The following PPP6R2 variants were observed in gnomAD, a reference collection of about 807,000 sequenced individuals.
PPP6R2 encodes the protein protein phosphatase 6 regulatory subunit 2.
Under a neutral mutation model 100.2 loss-of-function variants are expected in PPP6R2, and 62 were observed. The observed-to-expected ratio is 0.62, with a 90% CI of 0.50 to 0.76. The LOEUF (loss-of-function observed/expected upper bound fraction) is 0.76, where lower values mean the gene tolerates loss of function less well. Ranked by LOEUF, PPP6R2 falls within the 30% of genes least tolerant of loss-of-function variation. The probability of loss-of-function intolerance (pLI) is 0.00; values close to 1 mark genes in which losing one functional copy is unlikely to be tolerated. For missense variants in PPP6R2, 1,142 were observed against 1,276.3 expected, an observed-to-expected ratio of 0.89 and a Z score of 1.60; for synonymous variants, 525 against 514.7, an observed-to-expected ratio of 1.02 and a Z score of -0.27.
intron 2 of PPP6R2, among the ~76,000 whole-genome samples, chr22:50,377,120 C>G (rs1469828127): frequency 6.6e-6 from 1 of 152,062 alleles, no homozygotes; most frequent in African/African-American, 2.4e-5. Flanking sequence ...TGAAAAAGGA[C>G]CATGTAGAAC....
At chr22:50,443,486 G>T in intron 22 of PPP6R2, 1 of 193,802 alleles carries the variant, frequency 5.2e-6, no homozygotes, top group South Asian at 1.4e-4. Context: ...TGCCCGGCAG[G>T]GTCCTCTCTA....
intron 14 of PPP6R2, 138 bp from the exon 15 acceptor site, chr22:50,436,850 G>C (rs1435946756): frequency 5.4e-6 from 4 of 734,830 alleles, no homozygotes; most frequent in Non-Finnish European, 9.5e-6. Flanking sequence ...ACGGCCTCCT[G>C]GGCCCAGAGA....
intron 10 of PPP6R2, among the ~76,000 whole-genome samples, chr22:50,425,785 C>T (rs953599683): frequency 1.3e-5 from 2 of 151,828 alleles, no homozygotes; most frequent in Non-Finnish European, 2.9e-5. Flanking sequence ...CAAGTGATGT[C>T]GAGCATCTTC....
chr22:50,429,526 A>G (rs1294079988), intron 10 of PPP6R2, among the ~76,000 whole-genome samples: 1 of 152,212 alleles, frequency 6.6e-6, no homozygotes, highest in African/African-American at 2.4e-5. Context: ...AGTATTTTGC[A>G]TCCATGTTGA....
upstream of PPP6R2, among the ~76,000 whole-genome samples, chr22:50,339,238 G>A (rs2042340328): frequency 3.0e-5 from 4 of 133,854 alleles, no homozygotes; most frequent in South Asian, 9.4e-4. Context: ...TGTGTTTACG[G>A]TGTGTGTTGT....
At chr22:50,339,263 TGTG>T, upstream of PPP6R2, among the ~76,000 whole-genome samples, 1 of 110,692 alleles carries the variant, frequency 9.0e-6, no homozygotes, top group African/African-American at 7.2e-5. Flanking sequence ...GTTGTGTGAT[TGTG>T]TGGTGTGTGT....
chr22:50,347,393 G>T (rs758283158), intron 1 of PPP6R2, among the ~76,000 whole-genome samples: 49 of 151,620 alleles, frequency 3.2e-4, no homozygotes, highest in African/African-American at 1.2e-3. Context: ...AACACTACTC[G>T]TCTTTTCCTG....
At chr22:50,440,335 A>C (rs1652660592) in intron 21 of PPP6R2, among the ~76,000 whole-genome samples, 1 of 152,126 alleles carries the variant, frequency 6.6e-6, no homozygotes, top group Admixed American at 6.6e-5. Context: ...CAGCACTGGG[A>C]CCCCAGCATT....
At chr22:50,339,844 G>GT (rs1569219172), upstream of PPP6R2, among the ~76,000 whole-genome samples, 2 of 118,110 alleles carry the variant, frequency 1.7e-5, no homozygotes, top group African/African-American at 3.5e-5. Flanking sequence ...TGTGGTGTGT[G>GT]GTGTGTGTGT....
In PPP6R2 at chr22:50,402,588, A is replaced by G. The variant is rs1223815401; in HGVS notation, c.228-4101A>G. Among the ~76,000 whole-genome samples, 3 of 152,098 alleles carry G rather than the reference A, an allele frequency of 2.0e-5. No homozygotes were observed. In the East Asian group the frequency reaches 5.8e-4, roughly 29 times the overall value. ...CTGAAACTCAGCCTTCCCTGTGCCA[A>G]GTCAGTCTTCACGTGGCCGGCTGCT... On this transcript the variant is annotated intron_variant, in intron 3 of 23. Transcript: ENST00000612753.
chr22:50,359,713 G>A (rs1466170843), intron 1 of PPP6R2, among the ~76,000 whole-genome samples: 2 of 152,110 alleles, frequency 1.3e-5, no homozygotes, highest in Non-Finnish European at 2.9e-5. Flanking sequence ...CTTTTTATAT[G>A]TGGTTGGATT....
chr22:50,440,706 T>C, intron 21 of PPP6R2, 116 bp from the exon 22 acceptor site: 2 of 1,192,324 alleles, frequency 1.7e-6, no homozygotes, highest in Non-Finnish European at 2.4e-6. Flanking sequence ...GGCACATGTG[T>C]GCAGGCAACA....
At chr22:50,422,120 G>A in intron 8 of PPP6R2, 134 bp from the exon 9 acceptor site, 1 of 1,124,272 alleles carries the variant, frequency 8.9e-7, no homozygotes, top group African/African-American at 1.6e-5. Context: ...ACGCTGGGTA[G>A]CTGCACTGCT....
At chr22:50,408,594 T>C (rs1189494910) in intron 4 of PPP6R2, among the ~76,000 whole-genome samples, 1 of 152,056 alleles carries the variant, frequency 6.6e-6, no homozygotes, top group Non-Finnish European at 1.5e-5. Context: ...GGCCGGGGGA[T>C]TGTCGTGGCT....
upstream of PPP6R2, among the ~76,000 whole-genome samples, chr22:50,339,062 GTGGTGTATGTGGTA>G (rs2042338111): frequency 7.4e-6 from 1 of 134,670 alleles, no homozygotes; most frequent in African/African-American, 2.8e-5. Context: ...GTTATGTGGT[GTGGTGTATGTGGTA>G]TGTGGTGTGT....
intron 4 of PPP6R2, among the ~76,000 whole-genome samples, chr22:50,413,670 A>G (rs1007459775): frequency 1.4e-5 from 2 of 144,850 alleles, no homozygotes; most frequent in Admixed American, 1.4e-4. Flanking sequence ...CTCCTCCCCT[A>G]CCCCCTCCTC....
At chr22:50,337,674 GT>G in the PPP6R2 span, among the ~76,000 whole-genome samples, 1 of 126,614 alleles carries the variant, frequency 7.9e-6, no homozygotes. Context: ...TGGTGTGTGT[GT>G]GTGTGCCATA....
At chr22:50,359,093 G>A (rs2047241141) in intron 1 of PPP6R2, among the ~76,000 whole-genome samples, 1 of 145,356 alleles carries the variant, frequency 6.9e-6, no homozygotes, top group South Asian at 2.2e-4. Context: ...TCCACCTCCT[G>A]GGTTTGAGTG....
intron 2 of PPP6R2, among the ~76,000 whole-genome samples, chr22:50,373,789 A>G (rs959897912): frequency 3.3e-5 from 5 of 151,606 alleles, no homozygotes; most frequent in Admixed American, 2.6e-4. Context: ...GCTGGAGTGC[A>G]ATGGCATGAC....
Sources: allele counts gnomAD v4.1 joint callset (sites outside exome capture counted in the v4.1 genomes callset), GRCh38; gene constraint gnomAD v4.1.1; transcripts MANE v1.5; gene names NCBI Gene and HGNC (gene_info 2026-07-23, HGNC 2026-07-21).